Variants in TRIM5 observed in about 807,000 individuals in gnomAD.
TRIM5 encodes tripartite motif-containing protein 5.
TRIM5 carries 31 observed loss-of-function variants against 35.6 expected under a neutral mutation model. That is an observed-to-expected ratio of 0.87 (90% CI 0.65 to 1.18). The LOEUF (loss-of-function observed/expected upper bound fraction) is 1.18. Among genes scored for constraint, TRIM5 ranks in the 50% most tolerant of loss-of-function variants. TRIM5 has a pLI of 0.00. For synonymous variants in TRIM5, 243 were observed against 215.6 expected (o/e 1.13, Z -1.11); for missense variants, 609 against 591.6 (o/e 1.03, Z -0.31).
intron 4 of TRIM5, among the ~76,000 whole-genome samples, chr11:5,677,429 G>A (rs1852074434): frequency 1.3e-5 from 2 of 152,306 alleles, no homozygotes; most frequent in African/African-American, 2.4e-5. Context: ...AGTTAGAATG[G>A]CAATCATTAA....
At chr11:5,636,422 G>T in the TRIM5 span, among the ~76,000 whole-genome samples, 2 of 152,184 alleles carry the variant, frequency 1.3e-5, no homozygotes, top group African/African-American at 4.8e-5. Context: ...TGATGAAAAT[G>T]ATCTGGATTT....
intron 5 of TRIM5, among the ~76,000 whole-genome samples, chr11:5,666,708 G>A (rs558474314): frequency 1.8e-4 from 28 of 152,130 alleles, no homozygotes; most frequent in South Asian, 6.2e-4. Flanking sequence ...CCTGAATATC[G>A]TGTGGTTAGA....
intron 3 of TRIM5, among the ~76,000 whole-genome samples, chr11:5,678,762 G>C (rs936786372): frequency 6.6e-6 from 1 of 152,116 alleles, no homozygotes; most frequent in Non-Finnish European, 1.5e-5. Flanking sequence ...TGAACACTGA[G>C]GACAGAATCA....
chr11:5,643,125 A>ATTT, the TRIM5 span: 11 of 974,554 alleles, frequency 1.1e-5, no homozygotes, highest in African/African-American at 6.4e-5. Context: ...ATATATATAT[A>ATTT]TTTTTTTTTT....
At chr11:5,610,940 T>A in the TRIM5 span, 1 of 1,614,170 alleles carries the variant, frequency 6.2e-7, no homozygotes, top group South Asian at 1.1e-5. Flanking sequence ...CTGGTAAGCA[T>A]TACTGGGAGG....
the TRIM5 span, chr11:5,643,166 C>A: frequency 2.6e-6 from 4 of 1,540,088 alleles, no homozygotes; most frequent in South Asian, 2.6e-5. Context: ...TGAATTCAGT[C>A]AACCTAAATT....
At chr11:5,597,122 C>T in the TRIM5 span, among the ~76,000 whole-genome samples, 316 of 152,224 alleles carry the variant, frequency 2.1e-3, no homozygotes, top group Admixed American at 4.6e-3. Context: ...GCATAGATGC[C>T]GCAGCCAGAC....
chr11:5,611,323 T>C, the TRIM5 span: 19 of 1,613,620 alleles, frequency 1.2e-5, no homozygotes, highest in East Asian at 4.2e-4. Flanking sequence ...CCTATGACCC[T>C]GCGTCGTCCA....
chr11:5,665,874 C>A, intron 6 of TRIM5, 107 bp downstream of exon 6: 2 of 1,260,540 alleles, frequency 1.6e-6, no homozygotes, highest in South Asian at 3.2e-5. Context: ...AATATCTATC[C>A]TCCCCTATCC....
At chr11:5,653,476 G>GT in the TRIM5 span, among the ~76,000 whole-genome samples, 1 of 148,798 alleles carries the variant, frequency 6.7e-6, no homozygotes, top group Non-Finnish European at 1.5e-5. Flanking sequence ...TGTTTTTTCC[G>GT]ATTTTTTTTT....
At chr11:5,593,137 G>A in the TRIM5 span, among the ~76,000 whole-genome samples, 4 of 152,124 alleles carry the variant, frequency 2.6e-5, no homozygotes, top group South Asian at 8.3e-4. Flanking sequence ...CCTGAAATTT[G>A]TTTTCATTTG....
At chr11:5,670,716 T>C (rs1590241357) in intron 4 of TRIM5, among the ~76,000 whole-genome samples, 1 of 152,146 alleles carries the variant, frequency 6.6e-6, no homozygotes. Flanking sequence ...ACAGAAGCCT[T>C]ACTGCCTTGA....
At chr11:5,667,635 C>A in intron 5 of TRIM5, 54 bp downstream of exon 5, 1 of 1,586,402 alleles carries the variant, frequency 6.3e-7, no homozygotes, top group Non-Finnish European at 8.6e-7. Flanking sequence ...ATTCTAATGG[C>A]TATAAATCTC....
At chr11:5,643,872 T>C in the TRIM5 span, 2 of 896,782 alleles carry the variant, frequency 2.2e-6, no homozygotes, top group East Asian at 5.3e-5. Context: ...GAGAGATGCT[T>C]ATTTATTCAT....
chr11:5,629,695 G>C, the TRIM5 span, among the ~76,000 whole-genome samples: 2 of 152,106 alleles, frequency 1.3e-5, no homozygotes, highest in East Asian at 1.9e-4. Context: ...TGAGCTCTCC[G>C]TGAGGATTCT....
the TRIM5 span, chr11:5,610,786 C>T: frequency 3.7e-6 from 6 of 1,614,028 alleles, no homozygotes; most frequent in South Asian, 6.6e-5. Context: ...GTTGACGTGA[C>T]CCTGAATCCA....
chr11:5,612,903 T>C, the TRIM5 span: 3 of 152,252 alleles, frequency 2.0e-5, no homozygotes, highest in East Asian at 5.8e-4. Flanking sequence ...TGTATTGCAA[T>C]GATAATATGT....
downstream of TRIM5, among the ~76,000 whole-genome samples, chr11:5,661,219 G>A (rs1850814376): frequency 6.6e-6 from 1 of 151,908 alleles, no homozygotes; most frequent in Non-Finnish European, 1.5e-5. Context: ...AGTATTGGTT[G>A]CAATGTCCAA....
chr11:5,597,171 G>C, the TRIM5 span, among the ~76,000 whole-genome samples: 1 of 152,174 alleles, frequency 6.6e-6, no homozygotes, highest in Non-Finnish European at 1.5e-5. Context: ...GACACTGGCT[G>C]TGTGCCCGAA....
Sources: gnomAD v4.1 joint callset for allele counts (sites outside exome capture counted in the v4.1 genomes callset) on GRCh38, gnomAD v4.1.1 for gene constraint, MANE v1.5 for transcripts, NCBI Gene and HGNC (gene_info 2026-07-23, HGNC 2026-07-21) for gene names.